The following FRMD4A variants were observed in gnomAD, a reference collection of about 807,000 sequenced individuals.
The protein encoded by FRMD4A is FERM domain-containing protein 4A.
Under a neutral mutation model 129.1 loss-of-function variants are expected in FRMD4A, and 29 were observed. The observed-to-expected ratio is 0.22, with a 90% CI of 0.17 to 0.31. FRMD4A has a LOEUF of 0.31. Among genes scored for constraint, FRMD4A ranks in the 10% least tolerant of loss-of-function variants. FRMD4A has a pLI of 1.00. For synonymous variants in FRMD4A, 634 were observed against 571.6 expected (o/e 1.11, Z -1.56); for missense variants, 1,272 against 1,375.8 (o/e 0.92, Z 1.19).
chr10:13,833,941 G>A (rs187372797), intron 3 of FRMD4A, among the ~76,000 whole-genome samples: 1 of 152,104 alleles, frequency 6.6e-6, no homozygotes, highest in East Asian at 1.9e-4. Flanking sequence ...CCTCCTCCTT[G>A]GGAATGTGTA....
At chr10:14,297,137 A>AT (rs34998308) in intron 2 of FRMD4A, among the ~76,000 whole-genome samples, 36,825 of 146,832 alleles carry the variant, frequency 0.25, 4,811 homozygotes, top group Middle Eastern at 0.32. Context: ...TCTCTTTCTC[A>AT]TTTTTTTTTT....
intron 5 of FRMD4A, among the ~76,000 whole-genome samples, chr10:13,791,547 G>A (rs2093001092): frequency 6.6e-6 from 1 of 152,106 alleles, no homozygotes; most frequent in Admixed American, 6.5e-5. Flanking sequence ...CAATGGATTT[G>A]CACTGAATTG....
At chr10:14,142,037 G>A (rs1470601013) in intron 2 of FRMD4A, among the ~76,000 whole-genome samples, 1 of 152,042 alleles carries the variant, frequency 6.6e-6, no homozygotes, top group Non-Finnish European at 1.5e-5. Context: ...GGGTTTGAGT[G>A]ACTGGTTTTG....
chr10:14,236,149 G>A (rs1843806854), intron 2 of FRMD4A, among the ~76,000 whole-genome samples: 1 of 152,182 alleles, frequency 6.6e-6, no homozygotes, highest in Non-Finnish European at 1.5e-5. Context: ...CCTTCAACTT[G>A]ATGGCAAAAG....
intron 2 of FRMD4A, among the ~76,000 whole-genome samples, chr10:14,071,202 T>A (rs1201598968): frequency 2.0e-5 from 3 of 152,176 alleles, no homozygotes; most frequent in Non-Finnish European, 4.4e-5. Flanking sequence ...AAAGAGTAAA[T>A]AAGATTCCAA....
At chr10:13,797,292 C>A (rs114801099) in intron 4 of FRMD4A, among the ~76,000 whole-genome samples, 1 of 152,330 alleles carries the variant, frequency 6.6e-6, no homozygotes, top group East Asian at 1.9e-4. Context: ...GCAATCCTCA[C>A]GACATCTTGC....
chr10:13,699,981 A>G (rs2086642929), intron 14 of FRMD4A, among the ~76,000 whole-genome samples: 1 of 152,190 alleles, frequency 6.6e-6, no homozygotes, highest in Non-Finnish European at 1.5e-5. Context: ...AAATGACCAA[A>G]AAGGGGGTCA....
intron 15 of FRMD4A, chr10:13,684,503 C>G (rs17615701): frequency 0.56 from 550,463 of 984,574 alleles, 157,934 homozygotes; most frequent in Non-Finnish European, 0.59. Flanking sequence ...GATGTGGAGG[C>G]AACGCCAGCA....
At position 13,943,619 on chromosome 10, in the gene FRMD4A, G is replaced by A. The variant is rs566253692; in HGVS notation, c.46-84707C>T. Among the ~76,000 whole-genome samples the A allele has an allele frequency of 2.7e-5, 3 of 110,408 alleles. No homozygotes were observed. The South Asian group carries it at 1.0e-3, about 37-fold the overall frequency. 72.4% of individuals were successfully genotyped at this position (110,408 alleles called of 152,430 possible). The stretch of plus-strand genomic sequence containing the variant: ...GGTGAGATCACACCACTGCACTCCA[G>A]CCTGGCGACAGAGCAAGACTCTGTC... On this transcript the variant is annotated intron_variant, in intron 2 of 24. Transcript: ENST00000357447.
At chr10:13,652,103 A>G in intron 23 of FRMD4A, 129 bp from the exon 24 acceptor site, 1 of 704,946 alleles carries the variant, frequency 1.4e-6, no homozygotes, top group Non-Finnish European at 2.6e-6. Context: ...CACCTGAGTT[A>G]GCAACAGATC....
intron 2 of FRMD4A, among the ~76,000 whole-genome samples, chr10:14,142,157 T>TG (rs1179648710): frequency 1.1e-4 from 16 of 150,342 alleles, no homozygotes; most frequent in African/African-American, 3.8e-4. Context: ...AAAAGTTTTT[T>TG]TTTTGTTGTT....
At chr10:13,699,805 A>C (rs781071428) in intron 14 of FRMD4A, among the ~76,000 whole-genome samples, 15 of 152,162 alleles carry the variant, frequency 9.9e-5, no homozygotes, top group Non-Finnish European at 1.5e-4. Flanking sequence ...CACTGTGTCA[A>C]TATCGAGCAT....
chr10:14,257,462 G>A (rs187815736), intron 2 of FRMD4A, among the ~76,000 whole-genome samples: 76 of 152,334 alleles, frequency 5.0e-4, no homozygotes, highest in African/African-American at 1.8e-3. Context: ...TATATGGTCA[G>A]TGGATTTTTA....
chr10:13,685,623 G>A, intron 15 of FRMD4A: 1 of 984,382 alleles, frequency 1.0e-6, no homozygotes, highest in Non-Finnish European at 1.2e-6. Context: ...CCCTAAATGG[G>A]AACAGAGAAA....
At chr10:14,006,035 T>C (rs1220121475) in intron 2 of FRMD4A, among the ~76,000 whole-genome samples, 1 of 152,088 alleles carries the variant, frequency 6.6e-6, no homozygotes, top group Non-Finnish European at 1.5e-5. Context: ...AATGGAAGGG[T>C]GCTGGCTCTC....
At chr10:13,843,727 A>G (rs1034372502) in intron 3 of FRMD4A, among the ~76,000 whole-genome samples, 1 of 152,094 alleles carries the variant, frequency 6.6e-6, no homozygotes, top group African/African-American at 2.4e-5. Context: ...CGAACTCCTG[A>G]CCTCAGGTGA....
At chr10:14,029,810 GAAAA>G (rs11310080) in intron 2 of FRMD4A, among the ~76,000 whole-genome samples, 69 of 147,838 alleles carry the variant, frequency 4.7e-4, no homozygotes, top group African/African-American at 1.4e-3. Context: ...CAGTTTACAT[GAAAA>G]AAAAAAAAAA....
At chr10:14,104,557 C>T (rs566443135) in intron 2 of FRMD4A, among the ~76,000 whole-genome samples, 13 of 152,362 alleles carry the variant, frequency 8.5e-5, no homozygotes, top group East Asian at 5.8e-4. Flanking sequence ...TGAGGCTCTA[C>T]GGTGGCCCCG....
At chr10:13,781,925 G>A (rs1052321873) in intron 6 of FRMD4A, among the ~76,000 whole-genome samples, 1 of 152,102 alleles carries the variant, frequency 6.6e-6, no homozygotes, top group African/African-American at 2.4e-5. Flanking sequence ...CATTGTGAGT[G>A]TACTGAATGC....
Sources: gnomAD v4.1 joint callset for allele counts (sites outside exome capture counted in the v4.1 genomes callset) on GRCh38, gnomAD v4.1.1 for gene constraint, MANE v1.5 for transcripts, NCBI Gene and HGNC (gene_info 2026-07-23, HGNC 2026-07-21) for gene names.